NPAS2: variants seen among roughly 807,000 people sequenced by gnomAD.
NPAS2 encodes neuronal PAS domain-containing protein 2.
A neutral mutation model predicts 107.5 loss-of-function variants in NPAS2; 23 were observed. The observed-to-expected ratio is 0.21, with a 90% CI of 0.15 to 0.30. NPAS2 has a LOEUF of 0.30. NPAS2 is among the 10% of genes least tolerant of loss of function. The pLI, the probability that NPAS2 is intolerant of heterozygous loss-of-function variation, is 1.00. For missense variants in NPAS2, 756 were observed against 1,043.3 expected (o/e 0.72, Z 3.79); for synonymous variants, 403 against 417.5 (o/e 0.97, Z 0.42).
At chr2:100,949,668 C>T (rs964579828) in intron 7 of NPAS2, among the ~76,000 whole-genome samples, 188 bp downstream of exon 7, 1 of 152,224 alleles carries the variant, frequency 6.6e-6, no homozygotes, top group Admixed American at 6.5e-5. Flanking sequence ...GAGGAACACA[C>T]TCCCACACCT....
chr2:100,865,055 C>G (rs1679170755), intron 1 of NPAS2, among the ~76,000 whole-genome samples: 1 of 152,198 alleles, frequency 6.6e-6, no homozygotes, highest in African/African-American at 2.4e-5. Flanking sequence ...GGAAACTCCA[C>G]TGTACATTTG....
intron 1 of NPAS2, chr2:100,846,806 T>G (rs959164146): frequency 6.6e-6 from 1 of 152,204 alleles, no homozygotes; most frequent in South Asian, 2.1e-4. Flanking sequence ...ATATGTTAAC[T>G]CATCTACTCA....
chr2:100,886,927 A>G (rs1680734615), intron 1 of NPAS2, among the ~76,000 whole-genome samples: 1 of 152,224 alleles, frequency 6.6e-6, no homozygotes, highest in African/African-American at 2.4e-5. Flanking sequence ...ATGAGTTTTT[A>G]GATTTGAATG....
At chr2:100,850,673 C>T (rs950478470) in intron 1 of NPAS2, among the ~76,000 whole-genome samples, 1 of 152,106 alleles carries the variant, frequency 6.6e-6, no homozygotes, top group African/African-American at 2.4e-5. Context: ...GAAGGACAGG[C>T]CAGGTACGGT....
At position 100,996,642 on chromosome 2, in the gene NPAS2, A is replaced by T. The variant is rs1025880343; in HGVS notation, c.*1060A>T. ...AAGATTTTATGTAATTATAAGATGA[A>T]GCGTAGTGAATTGTACAGCTGTTGT... On this transcript the variant is annotated 3_prime_UTR_variant, in exon 21 of 21. Coordinates refer to ENST00000335681, the MANE Select transcript of NPAS2 (RefSeq NM_002518.4). The T allele has an allele frequency of 2.6e-5, 4 of 152,686 alleles. No individual in the cohort carries two copies. The highest frequency in any genetic ancestry group is 9.6e-5 in the African/African-American group (4 of 41,470). 9.5% of individuals were successfully genotyped at this position (152,686 alleles called of 1,614,324 possible). A position where few individuals can be genotyped will look rare whatever the true frequency, so the allele number is the denominator to read the frequency against.
intron 4 of NPAS2, 88 bp downstream of exon 4, chr2:100,933,089 T>A: frequency 1.0e-6 from 1 of 953,016 alleles, no homozygotes; most frequent in Non-Finnish European, 1.7e-6. Flanking sequence ...CAAAGGAAAC[T>A]ACTGTTCTTG....
rs143483807 is a variant in NPAS2, at chr2:100,891,334, C to T, written c.-22-13399C>T. Reference sequence around the variant, plus strand: ...GTGCAGCATTGGACACGCATGACCACGTGACCTGCAGCTCTGATGGTGCAA... The same window carrying T: ...GTGCAGCATTGGACACGCATGACCATGTGACCTGCAGCTCTGATGGTGCAA... On this transcript the variant is annotated intron_variant, in intron 1 of 20. Transcript: ENST00000335681. Among the ~76,000 whole-genome samples, 40 of 152,074 alleles carry T rather than the reference C, an allele frequency of 2.6e-4. No individual in the cohort carries two copies. In the East Asian group the frequency reaches 6.0e-3, roughly 23 times the overall value.
In NPAS2 at chr2:100,990,345, T is replaced by C. The variant is rs1186116463; in HGVS notation, c.1917T>C (p.Ala639=). 6.2e-7 allele frequency: 1 copy of C among 1,614,042 alleles called. No homozygotes were observed. Among genetic ancestry groups the C allele is most frequent in the Non-Finnish European group, 8.5e-7 (1 of 1,180,026 alleles). ...TGTCCCCGTTCAGCAGCGCCACAGC[T>C]GCGCTCCCGCCAAGTCTGAATCTGA... is the stretch of plus-strand genomic sequence containing the variant. ...SLVSPFSSAT[A]ALPPSLNLTT... is the part of the protein sequence containing the mutation. The change falls in exon 18 of 21, where the codon GCT becomes GCC. Residue 639 remains alanine (A), a synonymous_variant. Transcript: ENST00000335681.
chr2:100,949,309 T>C (rs1210647896), intron 6 of NPAS2, 58 bp from the exon 7 acceptor site: 3 of 969,900 alleles, frequency 3.1e-6, no homozygotes, highest in East Asian at 2.4e-5. Flanking sequence ...GCTACTTGTT[T>C]AGAGTCTGTG....
At chr2:100,829,396 G>T (rs921226126) in intron 1 of NPAS2, among the ~76,000 whole-genome samples, 1 of 151,978 alleles carries the variant, frequency 6.6e-6, no homozygotes, top group Non-Finnish European at 1.5e-5. Flanking sequence ...CAAGTGATCC[G>T]CCCGCCTGAT....
At chr2:100,855,521 A>C (rs1276475643) in intron 1 of NPAS2, among the ~76,000 whole-genome samples, 1 of 152,206 alleles carries the variant, frequency 6.6e-6, no homozygotes, top group African/African-American at 2.4e-5. Context: ...CTGTGTTCTT[A>C]CACATTTTGT....
At chr2:100,983,031 T>C (rs1001690382) in intron 16 of NPAS2, 3 of 152,474 alleles carry the variant, frequency 2.0e-5, no homozygotes, top group African/African-American at 7.2e-5. Context: ...TGGATCTCTT[T>C]TAATAATATA....
At chr2:100,840,006 T>C (rs1230409490) in intron 1 of NPAS2, among the ~76,000 whole-genome samples, 1 of 152,228 alleles carries the variant, frequency 6.6e-6, no homozygotes, top group Non-Finnish European at 1.5e-5. Flanking sequence ...TTTTCTCATC[T>C]ATATTCAGGG....
intron 13 of NPAS2, among the ~76,000 whole-genome samples, 163 bp downstream of exon 13, chr2:100,975,107 C>T (rs1473639068): frequency 6.6e-6 from 1 of 152,068 alleles, no homozygotes; most frequent in Non-Finnish European, 1.5e-5. Flanking sequence ...CTTCCCGCCT[C>T]CTGATCACCT....
intron 8 of NPAS2, among the ~76,000 whole-genome samples, 176 bp downstream of exon 8, chr2:100,964,352 T>G (rs539394173): frequency 4.6e-5 from 7 of 152,240 alleles, no homozygotes; most frequent in African/African-American, 1.4e-4. Context: ...CTGCCCCGTT[T>G]CCTGCAAGTG....
intron 14 of NPAS2, 59 bp from the exon 15 acceptor site, chr2:100,977,651 C>T: frequency 6.8e-7 from 1 of 1,460,698 alleles, no homozygotes; most frequent in Non-Finnish European, 9.6e-7. Context: ...CAAGAGACCA[C>T]ATCCCTGTCC....
chr2:100,890,064 G>A (rs1317756037), intron 1 of NPAS2, among the ~76,000 whole-genome samples: 1 of 152,122 alleles, frequency 6.6e-6, no homozygotes, highest in African/African-American at 2.4e-5. Flanking sequence ...GGTTCATTGG[G>A]AGTGAAATGG....
chr2:100,907,937 T>C (rs952585127), intron 2 of NPAS2, among the ~76,000 whole-genome samples: 13 of 152,196 alleles, frequency 8.5e-5, no homozygotes, highest in African/African-American at 3.1e-4. Flanking sequence ...ATATTTGTAA[T>C]CCCTAGATAA....
Position 100,996,693 on chromosome 2 carries a change from T to G in NPAS2, c.*1111T>G, listed in dbSNP as rs1249542647. 1 of 152,656 alleles carries G rather than the reference T, an allele frequency of 6.6e-6. No homozygotes were observed. The highest frequency in any genetic ancestry group is 1.5e-5 in the Non-Finnish European group (1 of 68,032). 9.5% of individuals were successfully genotyped at this position (152,656 alleles called of 1,614,324 possible). ...AATAATGACCTATTTCTATATAAAA[T>G]AAAATTGTATGGCTTATGTGTAAAT... On this transcript the variant is annotated 3_prime_UTR_variant, in exon 21 of 21. Coordinates refer to ENST00000335681, the MANE Select transcript of NPAS2 (RefSeq NM_002518.4).
Sources: gnomAD v4.1 joint callset for allele counts (sites outside exome capture counted in the v4.1 genomes callset) on GRCh38, gnomAD v4.1.1 for gene constraint, MANE v1.5 for transcripts, NCBI Gene and HGNC (gene_info 2026-07-23, HGNC 2026-07-21) for gene names.